The following PRR11 variants were observed in gnomAD, a reference collection of about 807,000 sequenced individuals.
The protein encoded by PRR11 is proline rich 11.
In PRR11, 30 loss-of-function variants were observed where a neutral mutation model predicts 45.6. That is an observed-to-expected ratio of 0.66 (90% CI 0.49 to 0.89). The LOEUF is 0.89. Among genes scored for constraint, PRR11 ranks in the 40% least tolerant of loss-of-function variants. The probability of loss-of-function intolerance (pLI) is 0.00; values close to 1 mark genes in which losing one functional copy is unlikely to be tolerated. For missense variants in PRR11, 373 were observed against 424.8 expected (o/e 0.88, Z 1.07); for synonymous variants, 128 against 153.5 (o/e 0.83, Z 1.23).
At chr17:59,178,617 CA>C in intron 2 of PRR11, 1 of 520,192 alleles carries the variant, frequency 1.9e-6, no homozygotes. Flanking sequence ...GTGTGTCTCC[CA>C]GGGGGAAGTC....
At chr17:59,179,843 A>G (rs1242720523) in intron 2 of PRR11, 6 of 1,345,132 alleles carry the variant, frequency 4.5e-6, no homozygotes, top group Non-Finnish European at 6.3e-6. Flanking sequence ...TTTCCAGCAA[A>G]GGGACCCACA....
At chr17:59,165,050 T>TTG (rs2046672596) in intron 1 of PRR11, among the ~76,000 whole-genome samples, 1 of 152,140 alleles carries the variant, frequency 6.6e-6, no homozygotes, top group South Asian at 2.1e-4. Context: ...AGACAGAGTC[T>TTG]CGCTCCGTCG....
rs927662541 is a variant in PRR11, at chr17:59,161,448, A to C, written c.-6+5643A>C. 8.0e-5 allele frequency among the ~76,000 whole-genome samples: 12 copies of C among 150,694 alleles called. No homozygotes were observed. The East Asian group carries it at 9.7e-4, about 12-fold the overall frequency. The stretch of plus-strand genomic sequence containing the variant: ...ACAAAAACATAAAACAAAAAAAAAA[A>C]CACACACACAAAACATAAGGGCCGA... On this transcript the variant is annotated intron_variant, in intron 1 of 9. Transcript: ENST00000262293.
chr17:59,185,076 A>G lies in PRR11; in HGVS notation c.151A>G (p.Ile51Val). 1.2e-6 allele frequency: 2 copies of G among 1,613,506 alleles called. No individual in the cohort carries two copies. The highest frequency in any genetic ancestry group is 1.1e-5 in the South Asian group (1 of 91,068). Residue 51 changes from isoleucine (I) to valine (V), a missense_variant, in exon 3 of 10, where the codon ATA (isoleucine) becomes GTA (valine). Coordinates refer to ENST00000262293, the MANE Select transcript of PRR11 (RefSeq NM_018304.4). Reference sequence around the variant, plus strand: ...CAGAGTCGGTATTTCTTCAATAGATATATCTCAAAGCAGAAGCTGGCTAAC... The same window carrying G: ...CAGAGTCGGTATTTCTTCAATAGATGTATCTCAAAGCAGAAGCTGGCTAAC... ...PERVGISSID[I>V]SQSRSWLTSS... is the part of the protein sequence containing the mutation.
chr17:59,181,898 T>C, intron 2 of PRR11: 3 of 1,269,538 alleles, frequency 2.4e-6, no homozygotes, highest in South Asian at 2.7e-5. Context: ...TCTCCTCTGC[T>C]CAACCCCATG....
At chr17:59,198,824 G>A (rs1273584779) in intron 9 of PRR11, among the ~76,000 whole-genome samples, 1 of 152,020 alleles carries the variant, frequency 6.6e-6, no homozygotes, top group Non-Finnish European at 1.5e-5. Context: ...GTGACGGAGT[G>A]AGACCCTGTC....
intron 1 of PRR11, 106 bp from the exon 2 acceptor site, chr17:59,169,642 A>G: frequency 9.4e-7 from 1 of 1,069,410 alleles, no homozygotes; most frequent in Non-Finnish European, 1.3e-6. Context: ...GGTGGTTTCA[A>G]GGGTGTGTTC....
At position 59,169,784 on chromosome 17, in the gene PRR11, T is replaced by G; in HGVS notation, c.32T>G (p.Leu11Arg). The G allele has an allele frequency of 1.2e-6, 2 of 1,603,418 alleles. No homozygotes were observed. The highest frequency in any genetic ancestry group is 1.7e-6 in the Non-Finnish European group (2 of 1,177,280). The change falls in exon 2 of 10, where the codon CTA becomes CGA. Residue 11 changes from leucine to arginine, a missense_variant. Physicochemically the swap from Leu to Arg is moderately radical, Grantham distance 102. Transcript: ENST00000262293. Reference sequence around the variant, plus strand: ...AAGTTCAAACAACGAAGACGAAAGCTAAAAGCCAAAGCCGAAAGATTATTC... The same window carrying G: ...AAGTTCAAACAACGAAGACGAAAGCGAAAAGCCAAAGCCGAAAGATTATTC... MPKFKQRRRK[L>R]KAKAERLFKK...
Position 59,194,796 on chromosome 17 carries a change from G to C in PRR11, c.685G>C (p.Val229Leu). The part of the protein sequence containing the change: ...LKKDGPMQIT[V>L]KDLLTVKLKK... ...AAAAGATGGACCCATGCAGATAACA[G>C]TTAAAGATCTGCTGACTGTAAAATT... Residue 229 changes from valine (V) to leucine (L), a missense_variant, in exon 6 of 10, where the codon GTT becomes CTT. Coordinates refer to ENST00000262293, the MANE Select transcript of PRR11 (RefSeq NM_018304.4). 6.2e-7 allele frequency: 1 copy of C among 1,613,826 alleles called. No homozygotes were observed. Among genetic ancestry groups the C allele is most frequent in the Non-Finnish European group, 8.5e-7 (1 of 1,179,854 alleles).
At chr17:59,197,815 G>A (rs780968259) in intron 9 of PRR11, 26 bp downstream of exon 9, 3 of 1,594,350 alleles carry the variant, frequency 1.9e-6, no homozygotes, top group Non-Finnish European at 2.6e-6. Flanking sequence ...AAGAATATTG[G>A]TTCCTTTGCT....
At chr17:59,188,404 G>C (rs1290182235) in intron 4 of PRR11, among the ~76,000 whole-genome samples, 2 of 152,068 alleles carry the variant, frequency 1.3e-5, no homozygotes, top group African/African-American at 4.8e-5. Context: ...TATATCTTTT[G>C]ATGCAACCAA....
chr17:59,184,850 G>GTTTTTTTT (rs5821252), intron 2 of PRR11, among the ~76,000 whole-genome samples: 1 of 72,692 alleles, frequency 1.4e-5, no homozygotes, highest in Non-Finnish European at 2.5e-5. Context: ...GCCTGATTAA[G>GTTTTTTTT]TTTTTTTTTT....
At chr17:59,172,416 T>C (rs2046714262) in intron 2 of PRR11, among the ~76,000 whole-genome samples, 1 of 152,244 alleles carries the variant, frequency 6.6e-6, no homozygotes, top group Non-Finnish European at 1.5e-5. Context: ...GGGCGCCCAC[T>C]CTGGCCAGCC....
At chr17:59,187,223 AAAAAT>A (rs937680242) in intron 4 of PRR11, among the ~76,000 whole-genome samples, 4 of 152,058 alleles carry the variant, frequency 2.6e-5, no homozygotes, top group East Asian at 1.9e-4. Flanking sequence ...AAAATAAAAT[AAAAAT>A]AAAATAAAAT....
At chr17:59,170,188 G>A (rs1011450815) in intron 2 of PRR11, among the ~76,000 whole-genome samples, 10 of 151,220 alleles carry the variant, frequency 6.6e-5, no homozygotes, top group African/African-American at 2.4e-4. Flanking sequence ...AGAGGCAGAG[G>A]TTGCAGTGAG....
rs1666030172 is a variant in PRR11 at position 59,201,689 on chromosome 17, AGCTGGGTGCAGTG to A, written c.*62_*74del. On this transcript the variant is annotated 3_prime_UTR_variant, in exon 10 of 10. Transcript: ENST00000262293. ...ATAACAAATACAGATAAAAACACCC[AGCTGGGTGCAGTG>A]GCTCACACCTGTAATCCCAGCACTT... is the stretch of plus-strand genomic sequence containing the variant. The A allele has an allele frequency of 3.8e-6, 6 of 1,561,986 alleles. No individual in the cohort carries two copies. The highest frequency in any genetic ancestry group is 5.3e-6 in the Non-Finnish European group (6 of 1,135,916).
rs541537959 is a variant in PRR11, at chr17:59,206,408, A to T, written c.*4777A>T. Among the ~76,000 whole-genome samples, 1 of 152,106 alleles carries T rather than the reference A, an allele frequency of 6.6e-6. No homozygotes were observed. The highest frequency in any genetic ancestry group is 2.4e-5 in the African/African-American group (1 of 41,406). On this transcript the variant is annotated 3_prime_UTR_variant, in exon 10 of 10. Coordinates refer to ENST00000262293, the MANE Select transcript of PRR11 (RefSeq NM_018304.4). ...AAATGCTTTGCTACATAATGAGGCC[A>T]GGCAAAAAAAAAAAGTCCTGTGGAA...
intron 5 of PRR11, 75 bp downstream of exon 5, chr17:59,193,809 C>T (rs1486027194): frequency 4.0e-6 from 6 of 1,496,714 alleles, no homozygotes; most frequent in Non-Finnish European, 4.6e-6. Context: ...AGCCAAGTGG[C>T]CTTTTAAGGC....
intron 2 of PRR11, among the ~76,000 whole-genome samples, chr17:59,184,830 A>G (rs2046805528): frequency 6.7e-6 from 1 of 148,362 alleles, no homozygotes; most frequent in African/African-American, 2.5e-5. Context: ...CTCTTCTGGC[A>G]CACCACCATG....
Sources: allele counts gnomAD v4.1 joint callset (sites outside exome capture counted in the v4.1 genomes callset), GRCh38; gene constraint gnomAD v4.1.1; transcripts MANE v1.5; gene names NCBI Gene and HGNC (gene_info 2026-07-23, HGNC 2026-07-21).